Variants in GRIK4 observed in about 807,000 individuals in gnomAD.
GRIK4 encodes glutamate ionotropic receptor kainate type subunit 4, also known as glutamate receptor ionotropic, kainate 4.
A neutral mutation model predicts 104.9 loss-of-function variants in GRIK4; 40 were observed. The observed-to-expected ratio is 0.38, with a 90% CI of 0.30 to 0.50. The LOEUF is 0.50. GRIK4 is among the 20% of genes least tolerant of loss of function. The pLI, the probability that GRIK4 is intolerant of heterozygous loss-of-function variation, is 0.93. For synonymous variants in GRIK4, 485 were observed against 524.9 expected (o/e 0.92, Z 1.04); for missense variants, 1,047 against 1,308.1 (o/e 0.80, Z 3.08).
chr11:120,518,892 A>C (rs1403818195), intron 1 of GRIK4, among the ~76,000 whole-genome samples: 1 of 152,228 alleles, frequency 6.6e-6, no homozygotes, highest in Non-Finnish European at 1.5e-5. Context: ...TGCTGACATT[A>C]TAGGCATGAG....
rs1176642078 is a variant in GRIK4, at chr11:120,897,476, A to G, written c.1165-1056A>G. ...TGGTGAAACCCCATCTCTACCAAAAATACAAAAATTAGCTGGGGATGGTGG... is the reference window on the plus strand; with the variant it reads ...TGGTGAAACCCCATCTCTACCAAAAGTACAAAAATTAGCTGGGGATGGTGG... On this transcript the variant is annotated intron_variant, in intron 11 of 20. Coordinates refer to ENST00000527524, the MANE Select transcript of GRIK4 (RefSeq NM_014619.5). Among the ~76,000 whole-genome samples the G allele has an allele frequency of 2.0e-5, 3 of 151,608 alleles. No individual in the cohort carries two copies. The East Asian group carries it at 5.8e-4, about 29-fold the overall frequency.
chr11:120,902,481 C>G lies in GRIK4; in HGVS notation c.1273-2809C>G, dbSNP rs1361262092. On this transcript the variant is annotated intron_variant, in intron 12 of 20. Coordinates refer to ENST00000527524, the MANE Select transcript of GRIK4 (RefSeq NM_014619.5). This position sits in a 1 kb window ranked among gnomAD's most constrained non-coding sequence, Gnocchi z 4.5. ...TATTTGGGGAGAAGAATTTGTGACA[C>G]CCCTTGGGACAATCAAAGATACAAT... 1.3e-5 allele frequency among the ~76,000 whole-genome samples: 2 copies of G among 152,112 alleles called. No homozygotes were observed.
At position 120,630,754 on chromosome 11, in the gene GRIK4, G is replaced by A. The variant is rs370552960; in HGVS notation, c.-158-22931G>A. 3.7e-4 allele frequency among the ~76,000 whole-genome samples: 56 copies of A among 152,324 alleles called. No individual in the cohort carries two copies. The South Asian group carries it at 0.011, about 29-fold the overall frequency. On this transcript the variant is annotated intron_variant, in intron 1 of 20. Coordinates refer to ENST00000527524, the MANE Select transcript of GRIK4 (RefSeq NM_014619.5). ...TTTGTTCCTTTTGTGCAACACCATT[G>A]GATGCGGATGTTGGACAGTGTGATG...
At chr11:120,701,087 C>T (rs1435805362) in intron 3 of GRIK4, among the ~76,000 whole-genome samples, 1 of 152,184 alleles carries the variant, frequency 6.6e-6, no homozygotes, top group Non-Finnish European at 1.5e-5. Flanking sequence ...GTAAGTCACT[C>T]TGTGATGTTC....
chr11:120,837,911 A>G (rs572499771), intron 8 of GRIK4, among the ~76,000 whole-genome samples: 1 of 152,316 alleles, frequency 6.6e-6, no homozygotes, highest in South Asian at 2.1e-4. Context: ...AAGGCAGGCC[A>G]GTGCCAGCCT....
intron 3 of GRIK4, among the ~76,000 whole-genome samples, chr11:120,750,402 C>T (rs918022700): frequency 3.7e-5 from 5 of 135,988 alleles, no homozygotes; most frequent in African/African-American, 1.5e-4. Flanking sequence ...AGTCTCGCTC[C>T]GTGGTCCAGG....
At chr11:120,692,392 C>T (rs1950380246) in intron 3 of GRIK4, among the ~76,000 whole-genome samples, 1 of 152,196 alleles carries the variant, frequency 6.6e-6, no homozygotes, top group South Asian at 2.1e-4. Flanking sequence ...ATGGGTGAGA[C>T]ATGGAGCTTG....
At position 120,592,797 on chromosome 11, in the gene GRIK4, C is replaced by T. The variant is rs555855013; in HGVS notation, c.-158-60888C>T. ...CTGCAACTCTGAGGGGCTGGCCGTC[C>T]GCATGTCTGCCTCCCAGCCCCTCAC... On this transcript the variant is annotated intron_variant, in intron 1 of 20. Transcript: ENST00000527524. 1.1e-4 allele frequency among the ~76,000 whole-genome samples: 17 copies of T among 152,272 alleles called. No individual in the cohort carries two copies. The East Asian group carries it at 1.5e-3, about 14-fold the overall frequency.
chr11:120,637,434 G>A (rs1457475328), intron 1 of GRIK4, among the ~76,000 whole-genome samples: 1 of 152,134 alleles, frequency 6.6e-6, no homozygotes, highest in Non-Finnish European at 1.5e-5. Context: ...GAGCAGTGCT[G>A]ATGGAACAGG....
Position 120,566,014 on chromosome 11 carries a change from G to T in GRIK4, c.-159+54127G>T, listed in dbSNP as rs539873462. On this transcript the variant is annotated intron_variant, in intron 1 of 20. Transcript: ENST00000527524. ...AGCCGTGTTGAAAGTAGGCGTCATT[G>T]TCTCTAGGATAAAAATCTGAGCCAG... Among the ~76,000 whole-genome samples the T allele has an allele frequency of 2.3e-3, 346 of 152,306 alleles. 2 individuals are homozygous for T. The highest frequency in any genetic ancestry group is 7.5e-3 in the African/African-American group (310 of 41,560).
At chr11:120,720,054 A>G (rs967022112) in intron 3 of GRIK4, among the ~76,000 whole-genome samples, 2 of 152,090 alleles carry the variant, frequency 1.3e-5, no homozygotes, top group African/African-American at 4.8e-5. Flanking sequence ...TGTTTCAGGA[A>G]ATAACTTTTA....
rs1407497864 is a variant in GRIK4, at chr11:120,986,586, C to G, written c.*326C>G. The G allele has an allele frequency of 7.7e-6, 2 of 258,120 alleles. No individual in the cohort carries two copies. The highest frequency in any genetic ancestry group is 5.6e-5 in the Admixed American group (1 of 17,958). The allele number at this position is 258,120 out of a possible 1,614,324, so 16.0% of individuals were successfully genotyped here. A position where few individuals can be genotyped will look rare whatever the true frequency, so the allele number is the denominator to read the frequency against. ...TAGGGTGGGGGGTCCCTACCCAGAC[C>G]AGTCCAATGAATTGGTGGAATCATC... is the stretch of plus-strand genomic sequence containing the variant. On this transcript the variant is annotated 3_prime_UTR_variant, in exon 21 of 21. Coordinates refer to ENST00000527524, the MANE Select transcript of GRIK4 (RefSeq NM_014619.5).
At chr11:120,672,476 A>G (rs889229484) in intron 3 of GRIK4, among the ~76,000 whole-genome samples, 2 of 152,196 alleles carry the variant, frequency 1.3e-5, no homozygotes, top group African/African-American at 4.8e-5. Flanking sequence ...AACAGAGTCA[A>G]TGGTAGCTTT....
intron 11 of GRIK4, among the ~76,000 whole-genome samples, chr11:120,876,403 CAACCACCATTGT>C (rs1954818587): frequency 1.4e-5 from 2 of 140,850 alleles, no homozygotes; most frequent in African/African-American, 2.8e-5. Context: ...CTCATCATCA[CAACCACCATTGT>C]CATCATTATC....
chr11:120,908,708 G>T (rs1162428294), intron 13 of GRIK4, among the ~76,000 whole-genome samples: 1 of 152,194 alleles, frequency 6.6e-6, no homozygotes, highest in East Asian at 1.9e-4. Flanking sequence ...CCTATGAAAT[G>T]ATTGCCTCAC....
At chr11:120,828,990 C>T (rs904691560) in intron 6 of GRIK4, among the ~76,000 whole-genome samples, 1 of 152,190 alleles carries the variant, frequency 6.6e-6, no homozygotes, top group African/African-American at 2.4e-5. Context: ...TATGCATAAC[C>T]CTGCTGTCAT....
At chr11:120,941,853 TA>T (rs1165517030) in intron 14 of GRIK4, among the ~76,000 whole-genome samples, 1 of 152,176 alleles carries the variant, frequency 6.6e-6, no homozygotes, top group Non-Finnish European at 1.5e-5. Context: ...CCTCCAGAAC[TA>T]TGACATGATA....
chr11:120,951,262 G>A (rs1943994072), intron 14 of GRIK4, among the ~76,000 whole-genome samples: 1 of 152,216 alleles, frequency 6.6e-6, no homozygotes. Context: ...AATCACCCAT[G>A]ATGGGGGCTA....
intron 1 of GRIK4, among the ~76,000 whole-genome samples, chr11:120,520,157 T>C (rs918787394): frequency 6.6e-6 from 1 of 152,132 alleles, no homozygotes; most frequent in African/African-American, 2.4e-5. Context: ...CCCCCCAAAG[T>C]GCTGGGATTA....
Sources: gnomAD v4.1 joint callset for allele counts (sites outside exome capture counted in the v4.1 genomes callset) on GRCh38, gnomAD v4.1.1 for gene constraint, Gnocchi (gnomAD v3.1) non-coding constraint, MANE v1.5 for transcripts, NCBI Gene and HGNC (gene_info 2026-07-23, HGNC 2026-07-21) for gene names.